The following DAB1 variants were observed in gnomAD, a reference collection of about 807,000 sequenced individuals.
DAB1 encodes DAB adaptor protein 1.
In DAB1, 15 loss-of-function variants were observed where a neutral mutation model predicts 64.6. That is an observed-to-expected ratio of 0.23 (90% CI 0.16 to 0.36). The LOEUF (loss-of-function observed/expected upper bound fraction) is 0.36, where lower values mean the gene tolerates loss of function less well. Among genes scored for constraint, DAB1 ranks in the 10% least tolerant of loss-of-function variants. DAB1 has a pLI of 1.00. For missense variants in DAB1, 596 were observed against 706.7 expected (o/e 0.84, Z 1.78); for synonymous variants, 235 against 251.9 (o/e 0.93, Z 0.64).
At chr1:57,413,209 T>C (rs1684243911) in intron 1 of DAB1, among the ~76,000 whole-genome samples, 1 of 152,202 alleles carries the variant, frequency 6.6e-6, no homozygotes, top group Non-Finnish European at 1.5e-5. Context: ...TTCAAAATAT[T>C]ACTGCTCCTT....
upstream of DAB1, among the ~76,000 whole-genome samples, chr1:57,428,734 T>C (rs1685381214): frequency 6.6e-6 from 1 of 151,788 alleles, no homozygotes; most frequent in Non-Finnish European, 1.5e-5. Context: ...TGAAGAACTT[T>C]CATATTCTGT....
intron 4 of DAB1, among the ~76,000 whole-genome samples, chr1:58,239,946 A>G (rs1461749065): frequency 6.6e-6 from 1 of 152,216 alleles, no homozygotes; most frequent in Non-Finnish European, 1.5e-5. Flanking sequence ...TTTCCCCATC[A>G]TTAAAACAAG....
chr1:57,236,684 T>G (rs1296063344), intron 2 of DAB1, among the ~76,000 whole-genome samples: 1 of 152,172 alleles, frequency 6.6e-6, no homozygotes, highest in African/African-American at 2.4e-5. Context: ...AACAACTGAT[T>G]TTCATGTAGA....
chr1:57,917,429 C>A (rs2102017591), intron 5 of DAB1, among the ~76,000 whole-genome samples: 1 of 152,316 alleles, frequency 6.6e-6, no homozygotes, highest in African/African-American at 2.4e-5. Context: ...AATAATCCTG[C>A]CCCATATCAT....
intron 5 of DAB1, among the ~76,000 whole-genome samples, chr1:57,952,188 T>C (rs751776434): frequency 3.3e-5 from 5 of 152,110 alleles, no homozygotes; most frequent in Non-Finnish European, 7.4e-5. Flanking sequence ...CAAGAAGCAC[T>C]GTTGTGGATC....
intron 5 of DAB1, among the ~76,000 whole-genome samples, chr1:58,097,485 T>G (rs1651055234): frequency 6.6e-6 from 1 of 152,082 alleles, no homozygotes; most frequent in East Asian, 1.9e-4. Flanking sequence ...CTGGGTGACC[T>G]GATCCTCATT....
At chr1:58,194,009 A>C (rs532437610) in intron 4 of DAB1, among the ~76,000 whole-genome samples, 11 of 152,378 alleles carry the variant, frequency 7.2e-5, no homozygotes, top group South Asian at 2.1e-4. Context: ...GGGAAGAAGA[A>C]GACGTTGGAT....
chr1:57,543,562 C>A (rs1457666872), intron 7 of DAB1, among the ~76,000 whole-genome samples: 1 of 152,002 alleles, frequency 6.6e-6, no homozygotes, highest in Non-Finnish European at 1.5e-5. Context: ...GTAATAAAAG[C>A]TGATAATGTA....
At chr1:57,587,858 G>A (rs1169340119) in intron 7 of DAB1, among the ~76,000 whole-genome samples, 7 of 152,222 alleles carry the variant, frequency 4.6e-5, no homozygotes, top group Non-Finnish European at 1.0e-4. Flanking sequence ...CTCATGCTGT[G>A]TGAGCAGCCT....
chr1:57,817,902 T>C (rs1463115809), intron 6 of DAB1, among the ~76,000 whole-genome samples: 1 of 152,208 alleles, frequency 6.6e-6, no homozygotes, highest in African/African-American at 2.4e-5. Flanking sequence ...TAGGCAGCAA[T>C]ATTTACTCAT....
At chr1:57,437,053 A>AAT (rs11448661) in intron 7 of DAB1, among the ~76,000 whole-genome samples, 1 of 151,426 alleles carries the variant, frequency 6.6e-6, no homozygotes, top group Non-Finnish European at 1.5e-5. Flanking sequence ...AAAAAAAAAA[A>AAT]GAATTTCCTG....
intron 3 of DAB1, among the ~76,000 whole-genome samples, chr1:58,410,347 G>A (rs773441599): frequency 1.3e-5 from 2 of 152,130 alleles, no homozygotes; most frequent in African/African-American, 4.8e-5. Flanking sequence ...CAGAATTTAC[G>A]ATTCTAGGGA....
intron 4 of DAB1, among the ~76,000 whole-genome samples, chr1:57,117,065 C>T (rs1240623107): frequency 1.3e-5 from 2 of 152,192 alleles, no homozygotes; most frequent in Admixed American, 1.3e-4. Flanking sequence ...TGATTCCTGG[C>T]TTTGACTTCT....
intron 5 of DAB1, among the ~76,000 whole-genome samples, chr1:58,146,013 G>C (rs553605250): frequency 2.0e-5 from 3 of 152,222 alleles, no homozygotes; most frequent in South Asian, 4.2e-4. Flanking sequence ...TCTACCTAAT[G>C]AACAGTAAAC....
intron 4 of DAB1, among the ~76,000 whole-genome samples, chr1:58,321,291 A>G (rs1177094761): frequency 6.6e-6 from 1 of 152,140 alleles, no homozygotes; most frequent in Non-Finnish European, 1.5e-5. Context: ...AGTTCTCTTA[A>G]TATTCATCAT....
At chr1:57,783,992 C>G (rs1401177196) in intron 6 of DAB1, among the ~76,000 whole-genome samples, 1 of 152,088 alleles carries the variant, frequency 6.6e-6, no homozygotes, top group Non-Finnish European at 1.5e-5. Flanking sequence ...TCTAGGTGTT[C>G]AAGTGAAAGG....
At chr1:57,844,888 C>A (rs1352875180) in intron 1 of DAB1, among the ~76,000 whole-genome samples, 2 of 152,176 alleles carry the variant, frequency 1.3e-5, no homozygotes, top group African/African-American at 2.4e-5. Context: ...TCCCCTCCAC[C>A]CCCGCCAGCT....
intron 6 of DAB1, among the ~76,000 whole-genome samples, chr1:57,796,006 T>C (rs1331631598): frequency 1.3e-5 from 2 of 151,844 alleles, no homozygotes; most frequent in Non-Finnish European, 1.5e-5. Context: ...TATACATATA[T>C]ATGCACGCTG....
rs576964835 is a variant in DAB1 at position 57,662,005 on chromosome 1, T to C, written n.552-12340A>G. ...ACCGTAAAGATAAAATATCCTGAGG[T>C]CTGGAGATCCAGCTTCTCAATTGCC... On this transcript the variant is annotated intron_variant and non_coding_transcript_variant, in intron 6 of 20. Transcript: ENST00000485760. Among the ~76,000 whole-genome samples, 21 of 152,070 alleles carry C rather than the reference T, an allele frequency of 1.4e-4. No homozygotes were observed. The South Asian group carries it at 3.9e-3, about 29-fold the overall frequency.
Sources: allele counts gnomAD v4.1 joint callset (sites outside exome capture counted in the v4.1 genomes callset), GRCh38; gene constraint gnomAD v4.1.1; transcripts MANE v1.5; gene names NCBI Gene and HGNC (gene_info 2026-07-23, HGNC 2026-07-21).